Variants in IPO11 observed in about 807,000 individuals in gnomAD.
The protein encoded by IPO11 is importin 11.
A neutral mutation model predicts 143.2 loss-of-function variants in IPO11; 66 were observed. The observed-to-expected ratio is 0.46, with a 90% CI of 0.38 to 0.57. The LOEUF (loss-of-function observed/expected upper bound fraction) is 0.57, where lower values mean the gene tolerates loss of function less well. Ranked by LOEUF, IPO11 falls within the 20% of genes least tolerant of loss-of-function variation. The pLI is 0.00. For synonymous variants in IPO11, 385 were observed against 377.8 expected (o/e 1.02, Z -0.22); for missense variants, 1,026 against 1,141.0 (o/e 0.90, Z 1.45).
intron 27 of IPO11, among the ~76,000 whole-genome samples, chr5:62,562,690 G>A (rs1432490842): frequency 2.0e-5 from 3 of 152,148 alleles, no homozygotes; most frequent in African/African-American, 4.8e-5. Context: ...GGAAATTTTA[G>A]AGCATACATA....
intron 27 of IPO11, among the ~76,000 whole-genome samples, chr5:62,564,185 A>C (rs1046594323): frequency 6.6e-6 from 1 of 151,940 alleles, no homozygotes; most frequent in African/African-American, 2.4e-5. Context: ...ACCTGTAACA[A>C]TCTGAAAAAA....
chr5:62,476,740 T>C lies in IPO11; in HGVS notation c.815T>C (p.Leu272Pro), dbSNP rs771341599. ...GATAGACTGGAAAAGACCATCATTC[T>C]TTTTACTAAAGTGGTAAGTTTTTTA... ...CRDRLEKTII[L>P]FTKVLLDFLD... Residue 272 changes from leucine to proline, a missense_variant, in exon 9 of 30, where the codon CTT (leucine) becomes CCT (proline). This residue lies in a region of IPO11 where 429 missense variants were observed against 456.3 expected (regional missense o/e 0.94). Coordinates refer to ENST00000325324, the MANE Select transcript of IPO11 (RefSeq NM_016338.5). 1 of 1,522,724 alleles carries C rather than the reference T, an allele frequency of 6.6e-7. No homozygotes were observed. Among genetic ancestry groups the C allele is most frequent in the Non-Finnish European group, 8.8e-7 (1 of 1,132,040 alleles). 94.3% of individuals were successfully genotyped at this position (1,522,724 alleles called of 1,614,324 possible). A position where few individuals can be genotyped will look rare whatever the true frequency, so the allele number is the denominator to read the frequency against.
intron 9 of IPO11, 147 bp downstream of exon 9, chr5:62,476,900 T>C (rs1745978464): frequency 2.5e-6 from 2 of 804,760 alleles, no homozygotes; most frequent in Non-Finnish European, 3.5e-6. Flanking sequence ...AAAATTGCTT[T>C]TATATGTACT....
At chr5:62,461,426 C>T (rs771774597) in intron 5 of IPO11, among the ~76,000 whole-genome samples, 49 of 152,056 alleles carry the variant, frequency 3.2e-4, no homozygotes, top group Non-Finnish European at 5.4e-4. Flanking sequence ...AATTGGGTGA[C>T]GCAAAGAACA....
chr5:62,492,627 T>C (rs1378564606), intron 15 of IPO11, among the ~76,000 whole-genome samples: 2 of 151,754 alleles, frequency 1.3e-5, no homozygotes, highest in South Asian at 4.1e-4. Context: ...CACTGCAATC[T>C]CTGCTTCCTG....
At chr5:62,525,687 A>C (rs1033373331) in intron 20 of IPO11, among the ~76,000 whole-genome samples, 3 of 151,932 alleles carry the variant, frequency 2.0e-5, no homozygotes, top group African/African-American at 7.2e-5. Context: ...TTCAGCCCCT[A>C]AAATCTTTTT....
chr5:62,554,469 G>T (rs1327555343), intron 26 of IPO11, among the ~76,000 whole-genome samples: 2 of 152,100 alleles, frequency 1.3e-5, no homozygotes, highest in Non-Finnish European at 2.9e-5. Flanking sequence ...ACGAGAGGTA[G>T]GGATCTAGTT....
intron 24 of IPO11, among the ~76,000 whole-genome samples, chr5:62,543,295 G>GCTGTGAATCCGT (rs1743029405): frequency 6.6e-6 from 1 of 152,168 alleles, no homozygotes; most frequent in Non-Finnish European, 1.5e-5. Context: ...GTAGAATTCG[G>GCTGTGAATCCGT]CTGTGAATCC....
At chr5:62,513,388 G>A (rs1442758872) in intron 19 of IPO11, among the ~76,000 whole-genome samples, 2 of 144,968 alleles carry the variant, frequency 1.4e-5, no homozygotes, top group African/African-American at 5.1e-5. Flanking sequence ...CTCCCGGACG[G>A]GGCGGCTGGC....
intron 5 of IPO11, among the ~76,000 whole-genome samples, chr5:62,459,411 A>C (rs1014813020): frequency 1.4e-4 from 21 of 152,114 alleles, no homozygotes; most frequent in African/African-American, 4.1e-4. Flanking sequence ...TAAATAAATA[A>C]ATATTAGTTG....
intron 19 of IPO11, among the ~76,000 whole-genome samples, chr5:62,513,984 T>C: frequency 1.4e-5 from 2 of 146,662 alleles, no homozygotes; most frequent in African/African-American, 5.1e-5. Flanking sequence ...TCCCCACATC[T>C]CAGACGATGG....
intron 11 of IPO11, 114 bp from the exon 12 acceptor site, chr5:62,485,305 C>A: frequency 1.3e-6 from 1 of 788,256 alleles, no homozygotes; most frequent in Non-Finnish European, 2.1e-6. Flanking sequence ...CAAGGCTTTG[C>A]TCTTAATGTT....
chr5:62,591,388 G>A (rs191793581), intron 27 of IPO11, among the ~76,000 whole-genome samples, 189 bp from the exon 28 acceptor site: 95 of 151,736 alleles, frequency 6.3e-4, no homozygotes, highest in African/African-American at 2.2e-3. Flanking sequence ...ATACTAATTA[G>A]TGAAAAAGAA....
chr5:62,586,763 AAAAAAATATATATATATATAT>A (rs1744796503), intron 27 of IPO11, among the ~76,000 whole-genome samples: 2 of 90,566 alleles, frequency 2.2e-5, no homozygotes, highest in African/African-American at 8.2e-5. Context: ...AAAAAAAAAA[AAAAAAATATATATATATATAT>A]ATATATATAT....
At chr5:62,587,434 G>A (rs963641880) in intron 27 of IPO11, among the ~76,000 whole-genome samples, 2 of 151,900 alleles carry the variant, frequency 1.3e-5, no homozygotes, top group South Asian at 2.1e-4. Flanking sequence ...CCATTTAAAC[G>A]ACAAAAGTAT....
intron 5 of IPO11, among the ~76,000 whole-genome samples, chr5:62,454,016 T>G (rs1359558431): frequency 1.3e-5 from 2 of 151,910 alleles, no homozygotes; most frequent in Non-Finnish European, 2.9e-5. Flanking sequence ...GCGCCTGTAG[T>G]CCCAGCTACT....
intron 16 of IPO11, among the ~76,000 whole-genome samples, chr5:62,495,195 G>A (rs1396154564): frequency 2.0e-5 from 3 of 152,140 alleles, no homozygotes; most frequent in Admixed American, 2.0e-4. Flanking sequence ...ATAAGCATGG[G>A]AAGTTACAAG....
At chr5:62,513,514 G>A (rs1341903308) in intron 19 of IPO11, among the ~76,000 whole-genome samples, 424 of 128,554 alleles carry the variant, frequency 3.3e-3, no homozygotes, top group African/African-American at 0.012. Flanking sequence ...CTCACCTCCC[G>A]GACGGGGCGG....
intron 20 of IPO11, among the ~76,000 whole-genome samples, chr5:62,522,288 GTT>G (rs111301961): frequency 2.9e-5 from 4 of 140,182 alleles, no homozygotes; most frequent in Admixed American, 7.1e-5. Flanking sequence ...ATTGTGGTGG[GTT>G]TTTTTTTTTT....
Sources: allele counts gnomAD v4.1 joint callset (sites outside exome capture counted in the v4.1 genomes callset), GRCh38; gene constraint gnomAD v4.1.1; regional missense constraint gnomAD v4.1.1; transcripts MANE v1.5; gene names NCBI Gene and HGNC (gene_info 2026-07-23, HGNC 2026-07-21).